The following P4HA3 variants were observed in gnomAD, a reference collection of about 807,000 sequenced individuals.
P4HA3 encodes prolyl 4-hydroxylase subunit alpha-3.
In P4HA3, 60 loss-of-function variants were observed where a neutral mutation model predicts 66.7. That is an observed-to-expected ratio of 0.90 (90% confidence interval 0.73 to 1.12). The LOEUF (loss-of-function observed/expected upper bound fraction) is 1.12. Among genes scored for constraint, P4HA3 ranks in the 50% most tolerant of loss-of-function variants. P4HA3 has a pLI of 0.00. For synonymous variants in P4HA3, 263 were observed against 274.6 expected (o/e 0.96, Z 0.42); for missense variants, 683 against 685.8 (o/e 1.00, Z 0.05).
At chr11:74,255,822 T>C in intron 15 of P4HA3, 3 of 404,846 alleles carry the variant, frequency 7.4e-6, no homozygotes, top group South Asian at 5.4e-5. Context: ...TGTCTGAAAA[T>C]TTCTTGTCTA....
At chr11:74,297,981 C>T (rs567857433) in intron 4 of P4HA3, among the ~76,000 whole-genome samples, 1 of 152,204 alleles carries the variant, frequency 6.6e-6, no homozygotes, top group Non-Finnish European at 1.5e-5. Flanking sequence ...ACTGGACTAA[C>T]AGTCTAATCC....
intron 5 of P4HA3, chr11:74,287,065 C>T: frequency 8.7e-7 from 1 of 1,148,716 alleles, no homozygotes; most frequent in Non-Finnish European, 1.1e-6. Flanking sequence ...GACTGGATTC[C>T]CACAGGGCCC....
chr11:74,307,903 G>GA (rs1433326480), intron 1 of P4HA3, among the ~76,000 whole-genome samples: 2 of 151,890 alleles, frequency 1.3e-5, no homozygotes, highest in Non-Finnish European at 2.9e-5. Flanking sequence ...CCTTAGCACA[G>GA]AAAAAATTGC....
At chr11:74,253,529 T>G (rs1210919635) in intron 15 of P4HA3, 1 of 1,599,808 alleles carries the variant, frequency 6.3e-7, no homozygotes, top group South Asian at 1.1e-5. Context: ...TGTCCACCCC[T>G]CCTCAACATC....
intron 1 of P4HA3, among the ~76,000 whole-genome samples, chr11:74,305,882 G>T (rs1861565908): frequency 6.6e-6 from 1 of 152,134 alleles, no homozygotes; most frequent in African/African-American, 2.4e-5. Flanking sequence ...CCACAGTTTA[G>T]TGAGTAAGAA....
chr11:74,311,244 T>G, intron 1 of P4HA3, 168 bp downstream of exon 1: 1 of 807,962 alleles, frequency 1.2e-6, no homozygotes, highest in Non-Finnish European at 1.8e-6. Context: ...TCAGAGCCAC[T>G]CCCCACCCCA....
In P4HA3 at chr11:74,286,256, T is replaced by C. The variant is rs752852887; in HGVS notation, c.905A>G (p.Glu302Gly). ...IPHLQTRDTY[E>G]GLCQTLGSQP... ...GGAACCCAGGGTCTGACATAGCCCC[T>C]CGTAGGTGTCTCTGGTCTGCAGGTG... The change falls in exon 6 of 13, where the codon GAG becomes GGG. Residue 302 changes from glutamate to glycine, a missense_variant. Glu to Gly is a moderately conservative substitution (Grantham distance 98). Coordinates refer to ENST00000331597, the MANE Select transcript of P4HA3 (RefSeq NM_182904.5). 3.7e-6 allele frequency: 6 copies of C among 1,613,100 alleles called. No homozygotes were observed. The highest frequency in any genetic ancestry group is 5.1e-6 in the Non-Finnish European group (6 of 1,179,746).
intron 2 of P4HA3, 70 bp from the exon 3 acceptor site, chr11:74,302,662 C>CTCA: frequency 7.5e-7 from 1 of 1,338,392 alleles, no homozygotes. Context: ...ACATGTAAGG[C>CTCA]ATGACCACCT....
chr11:74,257,022 A>G (rs1001559113), intron 15 of P4HA3, among the ~76,000 whole-genome samples: 3 of 152,228 alleles, frequency 2.0e-5, no homozygotes, highest in Non-Finnish European at 4.4e-5. Context: ...CTCATTGTCT[A>G]GAGAGACAGT....
At chr11:74,270,599 C>T (rs116630928) in intron 10 of P4HA3, among the ~76,000 whole-genome samples, 76 of 152,330 alleles carry the variant, frequency 5.0e-4, no homozygotes, top group African/African-American at 1.8e-3. Flanking sequence ...TATGTCCTTG[C>T]AAATATATTA....
intron 10 of P4HA3, among the ~76,000 whole-genome samples, chr11:74,271,981 C>T (rs1860217647): frequency 6.6e-6 from 1 of 152,070 alleles, no homozygotes; most frequent in Admixed American, 6.5e-5. Context: ...GACATCCCTC[C>T]TTACATTATC....
intron 4 of P4HA3, among the ~76,000 whole-genome samples, chr11:74,296,934 C>CTTTTTTTTT (rs540922878): frequency 2.4e-4 from 30 of 123,898 alleles, no homozygotes; most frequent in Non-Finnish European, 3.5e-4. Flanking sequence ...TTCTTTTTTT[C>CTTTTTTTTT]TTTTTTTTTT....
At chr11:74,296,565 G>T (rs1315679050) in intron 4 of P4HA3, among the ~76,000 whole-genome samples, 1 of 152,108 alleles carries the variant, frequency 6.6e-6, no homozygotes, top group African/African-American at 2.4e-5. Context: ...GGAGTGAGGA[G>T]AACTCAGGAA....
chr11:74,265,557 C>G (rs952248847), downstream of P4HA3, among the ~76,000 whole-genome samples: 1 of 152,202 alleles, frequency 6.6e-6, no homozygotes, highest in Non-Finnish European at 1.5e-5. Flanking sequence ...CTTAAATGTT[C>G]TCTTGGCACA....
intron 15 of P4HA3, among the ~76,000 whole-genome samples, chr11:74,257,749 C>G (rs1859851698): frequency 7.0e-6 from 1 of 143,190 alleles, no homozygotes; most frequent in Non-Finnish European, 1.5e-5. Flanking sequence ...TTGGTGGGTG[C>G]CAGACATGAG....
In P4HA3 at chr11:74,275,623, T is replaced by G. The variant is rs1265921997; in HGVS notation, c.1335+1362A>C. On this transcript the variant is annotated intron_variant, in intron 9 of 12. Coordinates refer to ENST00000331597, the MANE Select transcript of P4HA3 (RefSeq NM_182904.5). ...AGATAGTGTATGTCCTCCAATTTGT[T>G]CTTCTTTTTCAAAATTGTTTTGGCT... Among the ~76,000 whole-genome samples, 6 of 152,180 alleles carry G rather than the reference T, an allele frequency of 3.9e-5. No homozygotes were observed. In the East Asian group the frequency reaches 1.2e-3, roughly 29 times the overall value.
chr11:74,263,218 A>G (rs912434876), downstream of P4HA3, among the ~76,000 whole-genome samples: 1 of 152,198 alleles, frequency 6.6e-6, no homozygotes, highest in African/African-American at 2.4e-5. Flanking sequence ...TTGGATTCTC[A>G]TGGAGCAGCT....
intron 1 of P4HA3, 195 bp downstream of exon 1, chr11:74,311,217 G>A: frequency 3.2e-6 from 2 of 629,562 alleles, no homozygotes; most frequent in Non-Finnish European, 5.0e-6. Context: ...AATGGGTCTA[G>A]GGGGTCACAC....
chr11:74,279,278 A>T, intron 8 of P4HA3, 110 bp downstream of exon 8: 1 of 969,986 alleles, frequency 1.0e-6, no homozygotes, highest in South Asian at 1.3e-5. Flanking sequence ...AACGTGAACT[A>T]GGGATTCTCC....
Sources: allele counts gnomAD v4.1 joint callset (sites outside exome capture counted in the v4.1 genomes callset), GRCh38; gene constraint gnomAD v4.1.1; transcripts MANE v1.5; gene names NCBI Gene and HGNC (gene_info 2026-07-23, HGNC 2026-07-21).